STAG1: variants seen among roughly 807,000 people sequenced by gnomAD.
The protein encoded by STAG1 is STAG1 cohesin complex component, also known as cohesin subunit SA-1.
Under a neutral mutation model 170.9 loss-of-function variants are expected in STAG1, and 26 were observed. The observed-to-expected ratio is 0.15, with a 90% CI of 0.11 to 0.21. The LOEUF (loss-of-function observed/expected upper bound fraction) is 0.21. STAG1 is among the 10% of genes least tolerant of loss of function. The pLI is 1.00. For missense variants in STAG1, 964 were observed against 1,509.5 expected, an observed-to-expected ratio of 0.64 and a Z score of 5.99; for synonymous variants, 514 against 497.7, an observed-to-expected ratio of 1.03 and a Z score of -0.44.
chr3:136,673,946 T>C, intron 1 of STAG1, among the ~76,000 whole-genome samples: 1 of 151,352 alleles, frequency 6.6e-6, no homozygotes, highest in Non-Finnish European at 1.5e-5. Context: ...CTACTAAAAA[T>C]ACAACAATTG....
chr3:136,532,195 A>G (rs993793905), intron 6 of STAG1, among the ~76,000 whole-genome samples: 2 of 152,198 alleles, frequency 1.3e-5, no homozygotes, highest in African/African-American at 4.8e-5. Context: ...AGATCATCAG[A>G]GACTATTATG....
intron 15 of STAG1, among the ~76,000 whole-genome samples, chr3:136,435,714 G>C (rs985541779): frequency 1.3e-5 from 2 of 151,856 alleles, no homozygotes; most frequent in Non-Finnish European, 2.9e-5. Context: ...GTGTCACCCA[G>C]GCTGGAGTGC....
At chr3:136,533,946 A>G (rs1451901311) in intron 6 of STAG1, among the ~76,000 whole-genome samples, 1 of 152,198 alleles carries the variant, frequency 6.6e-6, no homozygotes, top group Non-Finnish European at 1.5e-5. Context: ...AAAACAAACA[A>G]ACAAATGAAC....
Position 136,349,202 on chromosome 3 carries a change from C to G in STAG1, c.3227G>C (p.Arg1076Thr). The change falls in exon 29 of 34, where the codon AGG (arginine) becomes ACG (threonine). Residue 1076 changes from arginine (R) to threonine (T), a missense_variant. Arg to Thr is a moderately conservative substitution (Grantham distance 71, BLOSUM62 -1). Coordinates refer to ENST00000383202, the MANE Select transcript of STAG1 (RefSeq NM_005862.3). ...AAGTGGAGGTCGTCCTTTCTTATTC[C>G]TTACTGATGAGGTTTTGCTGCTGCT... ...GSSSSKTSSV[R>T]NKKGRPPLHK... is the part of the protein sequence containing the mutation. 6.2e-7 allele frequency: 1 copy of G among 1,614,034 alleles called. No individual in the cohort carries two copies. The highest frequency in any genetic ancestry group is 8.5e-7 in the Non-Finnish European group (1 of 1,179,968).
chr3:136,676,419 A>C lies in STAG1; in HGVS notation c.-83-45438T>G, dbSNP rs529837919. ...CTCTTTGGTAATAACACTCAGCTTA[A>C]AACAAACACATTGTCTGGATATACA... On this transcript the variant is annotated intron_variant, in intron 1 of 33. Coordinates refer to ENST00000383202, the MANE Select transcript of STAG1 (RefSeq NM_005862.3). Among the ~76,000 whole-genome samples, 142 of 152,298 alleles carry C rather than the reference A, an allele frequency of 9.3e-4. No individual in the cohort carries two copies. In the South Asian group the frequency reaches 0.011, roughly 12 times the overall value.
At chr3:136,571,642 C>T (rs148918405) in intron 4 of STAG1, among the ~76,000 whole-genome samples, 3 of 152,080 alleles carry the variant, frequency 2.0e-5, no homozygotes, top group Admixed American at 2.0e-4. Context: ...GAGGCCAAGG[C>T]AGGAGGATGA....
intron 1 of STAG1, among the ~76,000 whole-genome samples, chr3:136,698,629 C>A (rs1270008047): frequency 6.6e-6 from 1 of 152,140 alleles, no homozygotes; most frequent in African/African-American, 2.4e-5. Context: ...ATCCAACAAT[C>A]CCACTGCTGG....
intron 1 of STAG1, among the ~76,000 whole-genome samples, chr3:136,693,053 C>T (rs897344341): frequency 6.6e-6 from 1 of 152,166 alleles, no homozygotes; most frequent in Non-Finnish European, 1.5e-5. Flanking sequence ...TCCAGTTTAT[C>T]AAACTCTAAA....
At chr3:136,524,092 C>A (rs1453490314) in intron 6 of STAG1, among the ~76,000 whole-genome samples, 1 of 151,962 alleles carries the variant, frequency 6.6e-6, no homozygotes, top group Admixed American at 6.6e-5. Context: ...TTTTTTGGTC[C>A]CATATGAACT....
At chr3:136,416,049 C>T (rs1003369502) in intron 21 of STAG1, among the ~76,000 whole-genome samples, 16 of 152,070 alleles carry the variant, frequency 1.1e-4, no homozygotes, top group African/African-American at 3.9e-4. Flanking sequence ...TGCTCATCGC[C>T]CAGGCTGGAG....
At chr3:136,456,965 G>A (rs2089130237) in intron 13 of STAG1, among the ~76,000 whole-genome samples, 1 of 151,518 alleles carries the variant, frequency 6.6e-6, no homozygotes, top group South Asian at 2.1e-4. Flanking sequence ...AGAAGCTGAG[G>A]GAATTCATCA....
At chr3:136,737,719 TCTC>T (rs1934420675) in intron 1 of STAG1, among the ~76,000 whole-genome samples, 1 of 152,220 alleles carries the variant, frequency 6.6e-6, no homozygotes, top group African/African-American at 2.4e-5. Flanking sequence ...AGATAAGTTC[TCTC>T]ATCACAGAGC....
At chr3:136,626,691 A>C (rs1489432696) in intron 2 of STAG1, among the ~76,000 whole-genome samples, 5 of 152,322 alleles carry the variant, frequency 3.3e-5, no homozygotes, top group African/African-American at 1.2e-4. Flanking sequence ...TTTTCTCCTC[A>C]CTACAATCCA....
intron 9 of STAG1, among the ~76,000 whole-genome samples, chr3:136,493,656 GAA>G (rs549570470): frequency 0.014 from 909 of 63,158 alleles, 6 homozygotes; most frequent in African/African-American, 0.049. Flanking sequence ...TCCTGTCTCC[GAA>G]AAAAAAAAAA....
chr3:136,400,666 G>A (rs1482577594), intron 21 of STAG1, among the ~76,000 whole-genome samples: 4 of 151,886 alleles, frequency 2.6e-5, no homozygotes, highest in African/African-American at 9.7e-5. Context: ...TTCCCAAGTA[G>A]CTGGGATTAC....
intron 26 of STAG1, 60 bp downstream of exon 26, chr3:136,363,306 C>T: frequency 1.1e-6 from 1 of 875,810 alleles, no homozygotes; most frequent in Non-Finnish European, 1.9e-6. Flanking sequence ...AAATATTAAG[C>T]ACAGAGAAGT....
intron 1 of STAG1, chr3:136,736,812 T>C (rs908206821): frequency 8.8e-6 from 14 of 1,583,058 alleles, no homozygotes; most frequent in Non-Finnish European, 1.2e-5. Flanking sequence ...TCTACAATTG[T>C]AGGTTTTCCT....
chr3:136,518,359 C>G, intron 7 of STAG1: 1 of 701,080 alleles, frequency 1.4e-6, no homozygotes. Flanking sequence ...TGCACATAGT[C>G]TTTGAAGCAG....
rs142382744 is a variant in STAG1, at chr3:136,533,956, C to T, written c.471+8163G>A. On this transcript the variant is annotated intron_variant, in intron 6 of 33. Coordinates refer to ENST00000383202, the MANE Select transcript of STAG1 (RefSeq NM_005862.3). ...TAAGCAAAACAAACAAACAAATGAACGAAACAAAACAAAAACAAAGCTGAA... is the reference window on the plus strand; with the variant it reads ...TAAGCAAAACAAACAAACAAATGAATGAAACAAAACAAAAACAAAGCTGAA... Among the ~76,000 whole-genome samples the T allele has an allele frequency of 2.4e-3, 367 of 152,058 alleles. 1 individual carries two copies. The highest frequency in any genetic ancestry group is 3.3e-3 in the Non-Finnish European group (226 of 67,960).
Sources: gnomAD v4.1 joint callset for allele counts (sites outside exome capture counted in the v4.1 genomes callset) on GRCh38, gnomAD v4.1.1 for gene constraint, MANE v1.5 for transcripts, NCBI Gene and HGNC (gene_info 2026-07-23, HGNC 2026-07-21) for gene names.